Variants in OSBPL8 observed in about 807,000 individuals in gnomAD.
OSBPL8 encodes oxysterol-binding protein-related protein 8.
OSBPL8 carries 59 observed loss-of-function variants against 125.5 expected under a neutral mutation model. That is an observed-to-expected ratio of 0.47 (90% confidence interval 0.38 to 0.58). The LOEUF (loss-of-function observed/expected upper bound fraction) is 0.58. Among genes scored for constraint, OSBPL8 ranks in the 20% least tolerant of loss-of-function variants. The pLI is 0.00. For missense variants in OSBPL8, 758 were observed against 1,047.8 expected (o/e 0.72, Z 3.82); for synonymous variants, 330 against 338.9 (o/e 0.97, Z 0.29).
chr12:76,380,538 A>AAAAC (rs994806612), intron 15 of OSBPL8, among the ~76,000 whole-genome samples: 1 of 151,094 alleles, frequency 6.6e-6, no homozygotes, highest in African/African-American at 2.4e-5. Context: ...CAAAAAAAAA[A>AAAAC]AAAAAAAAAC....
At chr12:76,389,996 A>T (rs1565853630) in intron 11 of OSBPL8, 167 bp from the exon 12 acceptor site, 1 of 487,690 alleles carries the variant, frequency 2.1e-6, no homozygotes, top group Non-Finnish European at 3.3e-6. Context: ...AAACTTAGGT[A>T]AAAAAGGGTA....
At chr12:76,487,324 C>G (rs888367080) in intron 2 of OSBPL8, among the ~76,000 whole-genome samples, 186 bp downstream of exon 2, 2 of 152,052 alleles carry the variant, frequency 1.3e-5, no homozygotes, top group Non-Finnish European at 2.9e-5. Context: ...AGCCACCATG[C>G]CTAGCTAGCT....
chr12:76,496,971 GCCTGGCCCCAT>G (rs1424209962), intron 1 of OSBPL8, among the ~76,000 whole-genome samples: 1 of 152,126 alleles, frequency 6.6e-6, no homozygotes, highest in Non-Finnish European at 1.5e-5. Flanking sequence ...GAGCCACCAC[GCCTGGCCCCAT>G]CCTTCATTTT....
chr12:76,463,207 T>C (rs1309529867), intron 2 of OSBPL8, among the ~76,000 whole-genome samples: 1 of 152,144 alleles, frequency 6.6e-6, no homozygotes, highest in Non-Finnish European at 1.5e-5. Context: ...TGATGAGAAG[T>C]AGCTAAGTTC....
chr12:76,356,894 A>G (rs1952007688), intron 22 of OSBPL8, among the ~76,000 whole-genome samples, 166 bp from the exon 23 acceptor site: 1 of 152,246 alleles, frequency 6.6e-6, no homozygotes, highest in African/African-American at 2.4e-5. Context: ...ACATCATTGC[A>G]ATACTAGAAC....
intron 6 of OSBPL8, among the ~76,000 whole-genome samples, chr12:76,401,153 G>A (rs766078666): frequency 2.6e-5 from 4 of 152,016 alleles, no homozygotes; most frequent in Non-Finnish European, 5.9e-5. Context: ...CATAAAGCTA[G>A]AACCCATTTT....
At position 76,390,491 on chromosome 12, in the gene OSBPL8, T is replaced by A; in HGVS notation, c.1096A>T (p.Ile366Phe). Residue 366 changes from isoleucine (I) to phenylalanine (F), a missense_variant, in exon 11 of 24, where the codon ATC becomes TTC. Transcript: ENST00000261183. ...DTSERQDDSYIEPEPVEPLKE... is the reference protein window; with the variant it reads ...DTSERQDDSYFEPEPVEPLKE... ...AAAGGCTCAACAGGCTCAGGTTCGATATATGAGTCATCTTGTCTTTCTGAT... is the reference window on the plus strand; with the variant it reads ...AAAGGCTCAACAGGCTCAGGTTCGAAATATGAGTCATCTTGTCTTTCTGAT... The A allele has an allele frequency of 6.2e-7, 1 of 1,613,982 alleles. No individual in the cohort carries two copies. Among genetic ancestry groups the A allele is most frequent in the South Asian group, 1.1e-5 (1 of 91,070 alleles).
At chr12:76,375,200 T>G in intron 17 of OSBPL8, 73 bp downstream of exon 17, 1 of 981,678 alleles carries the variant, frequency 1.0e-6, no homozygotes, top group Non-Finnish European at 1.5e-6. Flanking sequence ...AGGAAATACA[T>G]GGTGCCCTTT....
intron 3 of OSBPL8, among the ~76,000 whole-genome samples, chr12:76,457,369 T>C (rs1177395729): frequency 6.6e-6 from 1 of 152,234 alleles, no homozygotes; most frequent in Non-Finnish European, 1.5e-5. Flanking sequence ...ATGTAATAGA[T>C]TTGTGTATAT....
chr12:76,525,801 G>T (rs1950156081), intron 1 of OSBPL8, among the ~76,000 whole-genome samples: 1 of 151,968 alleles, frequency 6.6e-6, no homozygotes, highest in African/African-American at 2.4e-5. Flanking sequence ...AAAAAACAAA[G>T]GGAAAACTAC....
chr12:76,447,417 G>A (rs573175734), intron 4 of OSBPL8, among the ~76,000 whole-genome samples: 9 of 152,196 alleles, frequency 5.9e-5, no homozygotes, highest in East Asian at 5.8e-4. Flanking sequence ...AGATATAATC[G>A]AGCCTTTGCA....
chr12:76,410,764 A>G (rs1954482149), intron 4 of OSBPL8, 130 bp from the exon 5 acceptor site: 1 of 617,196 alleles, frequency 1.6e-6, no homozygotes, highest in East Asian at 2.7e-5. Context: ...TTAAACTATT[A>G]AAGATCTCTA....
At chr12:76,548,415 G>T (rs1022453183) in intron 1 of OSBPL8, among the ~76,000 whole-genome samples, 11 of 152,042 alleles carry the variant, frequency 7.2e-5, no homozygotes, top group Admixed American at 7.2e-4. Flanking sequence ...ATAAATAGTA[G>T]GGTTAAAAAT....
At chr12:76,489,957 A>C (rs1303458248) in intron 1 of OSBPL8, among the ~76,000 whole-genome samples, 1 of 152,246 alleles carries the variant, frequency 6.6e-6, no homozygotes, top group Non-Finnish European at 1.5e-5. Context: ...ATTTGGAAGA[A>C]GTTGATTCCA....
chr12:76,437,098 T>C (rs1423147581), intron 4 of OSBPL8, among the ~76,000 whole-genome samples: 1 of 152,230 alleles, frequency 6.6e-6, no homozygotes, highest in East Asian at 1.9e-4. Context: ...GTTTAGGTTT[T>C]TTCAGGTGTT....
chr12:76,381,931 C>T (rs892659826), intron 15 of OSBPL8, among the ~76,000 whole-genome samples: 1 of 152,066 alleles, frequency 6.6e-6, no homozygotes, highest in Non-Finnish European at 1.5e-5. Context: ...GACAGGGTTT[C>T]ACCATTTTGG....
At chr12:76,376,283 A>G (rs1015895076) in intron 16 of OSBPL8, among the ~76,000 whole-genome samples, 3 of 152,260 alleles carry the variant, frequency 2.0e-5, no homozygotes, top group African/African-American at 7.2e-5. Flanking sequence ...TTGTGTGTGT[A>G]TCTGCTGTTG....
At chr12:76,428,964 A>T (rs140659875) in intron 4 of OSBPL8, among the ~76,000 whole-genome samples, 164 of 152,228 alleles carry the variant, frequency 1.1e-3, no homozygotes, top group African/African-American at 3.6e-3. Context: ...CTCTCTGTCA[A>T]TTTCTATCCT....
chr12:76,460,982 G>A (rs187030061), intron 2 of OSBPL8, among the ~76,000 whole-genome samples: 37 of 152,260 alleles, frequency 2.4e-4, no homozygotes, highest in African/African-American at 8.7e-4. Flanking sequence ...CTAAGTGATG[G>A]CTTTTTACAA....
Sources: gnomAD v4.1 joint callset for allele counts (sites outside exome capture counted in the v4.1 genomes callset) on GRCh38, gnomAD v4.1.1 for gene constraint, MANE v1.5 for transcripts, NCBI Gene and HGNC (gene_info 2026-07-23, HGNC 2026-07-21) for gene names.